The following CEP170 variants were observed in gnomAD, a reference collection of about 807,000 sequenced individuals.
CEP170 encodes centrosomal protein 170, also known as centrosomal protein of 170 kDa.
In CEP170, 21 loss-of-function variants were observed where a neutral mutation model predicts 151.9. That is an observed-to-expected ratio of 0.14 (90% CI 0.10 to 0.20). The LOEUF is 0.20. CEP170 is among the 10% of genes least tolerant of loss of function. The pLI is 1.00. For missense variants in CEP170, 964 were observed against 1,892.9 expected, an observed-to-expected ratio of 0.51 and a Z score of 9.11; for synonymous variants, 356 against 648.8, an observed-to-expected ratio of 0.55 and a Z score of 6.86.
chr1:243,207,627 T>C (rs1447736893), intron 4 of CEP170, among the ~76,000 whole-genome samples: 1 of 151,588 alleles, frequency 6.6e-6, no homozygotes, highest in Non-Finnish European at 1.5e-5. Context: ...ATAGAACATA[T>C]TCTGGGCCAC....
chr1:243,127,243 A>G (rs1273303332), intron 19 of CEP170, among the ~76,000 whole-genome samples: 1 of 152,182 alleles, frequency 6.6e-6, no homozygotes, highest in Non-Finnish European at 1.5e-5. Context: ...TATCAGCTGT[A>G]TACACCACTG....
At chr1:243,222,305 A>T (rs916724543) in intron 2 of CEP170, among the ~76,000 whole-genome samples, 4 of 152,364 alleles carry the variant, frequency 2.6e-5, no homozygotes, top group African/African-American at 7.2e-5. Context: ...CATTTAAAAT[A>T]TGGGCTCTAA....
chr1:243,143,800 C>T lies in CEP170; in HGVS notation c.3912-1337G>A, dbSNP rs1239209254. On this transcript the variant is annotated intron_variant, in intron 14 of 19. Coordinates refer to ENST00000366542, the MANE Select transcript of CEP170 (RefSeq NM_014812.3). The stretch of plus-strand genomic sequence containing the variant: ...CAGGCTGGTCTCGAACTCCTGAGTT[C>T]AAGCAATCCTCCGACTCAGCCTCCC... 2.0e-5 allele frequency among the ~76,000 whole-genome samples: 3 copies of T among 151,240 alleles called. No homozygotes were observed. In the South Asian group the frequency reaches 6.3e-4, roughly 32 times the overall value.
rs144244888 is a variant in CEP170 at position 243,169,871 on chromosome 1, C to T, written c.1717-117G>A. 711 of 1,225,774 alleles carry T rather than the reference C, an allele frequency of 5.8e-4. 3 individuals carry two copies. In the African/African-American group the frequency reaches 9.1e-3, roughly 16 times the overall value. The allele number at this position is 1,225,774 out of a possible 1,614,324, so 75.9% of individuals were successfully genotyped here. On this transcript the variant is annotated intron_variant, in intron 11 of 19. Transcript: ENST00000366542. Reference sequence around the variant, plus strand: ...ATACAAACCCATAATTAAACCTCACCTTGCTATATTATCATTGATTACATC... The same window carrying T: ...ATACAAACCCATAATTAAACCTCACTTTGCTATATTATCATTGATTACATC...
chr1:243,219,247 T>C (rs1011257667), intron 3 of CEP170, among the ~76,000 whole-genome samples: 2 of 152,248 alleles, frequency 1.3e-5, no homozygotes, highest in African/African-American at 4.8e-5. Flanking sequence ...TTTCATCATT[T>C]AATAGCTGAA....
At chr1:243,199,444 A>T (rs1388280304) in intron 6 of CEP170, among the ~76,000 whole-genome samples, 1 of 152,056 alleles carries the variant, frequency 6.6e-6, no homozygotes, top group Non-Finnish European at 1.5e-5. Context: ...ATATCTCAAT[A>T]GCTTTTTGTT....
intron 10 of CEP170, among the ~76,000 whole-genome samples, chr1:243,183,200 C>T (rs1302404076): frequency 6.6e-6 from 1 of 152,164 alleles, no homozygotes; most frequent in East Asian, 1.9e-4. Flanking sequence ...AAGCCTGGCA[C>T]ATAGTTAATG....
intron 14 of CEP170, among the ~76,000 whole-genome samples, chr1:243,143,073 C>A (rs2056054834): frequency 6.6e-6 from 1 of 151,860 alleles, no homozygotes; most frequent in Non-Finnish European, 1.5e-5. Flanking sequence ...ATTACTCTTA[C>A]TTTCAAATAT....
intron 14 of CEP170, among the ~76,000 whole-genome samples, chr1:243,152,348 G>A (rs1017965179): frequency 6.7e-5 from 10 of 149,226 alleles, no homozygotes; most frequent in East Asian, 2.0e-4. Flanking sequence ...CAGCCTCCAG[G>A]GTAGCTGAGA....
At chr1:243,153,254 A>G (rs1320646983) in intron 14 of CEP170, among the ~76,000 whole-genome samples, 1 of 152,230 alleles carries the variant, frequency 6.6e-6, no homozygotes, top group Non-Finnish European at 1.5e-5. Context: ...ATCTTGCAAT[A>G]GAATCTACTG....
At chr1:243,163,555 A>G (rs914892183) in intron 13 of CEP170, among the ~76,000 whole-genome samples, 3 of 152,232 alleles carry the variant, frequency 2.0e-5, no homozygotes, top group Non-Finnish European at 4.4e-5. Flanking sequence ...ATATTCAATT[A>G]CACCTAATTA....
intron 12 of CEP170, chr1:243,169,404 A>C (rs2058670692): frequency 1.4e-6 from 1 of 705,532 alleles, no homozygotes; most frequent in Non-Finnish European, 2.2e-6. Flanking sequence ...ATATCTAATA[A>C]AAATCAGCCT....
chr1:243,183,389 AC>A (rs768899916), intron 10 of CEP170, among the ~76,000 whole-genome samples: 1 of 152,094 alleles, frequency 6.6e-6, no homozygotes, highest in Non-Finnish European at 1.5e-5. Context: ...AAATGGAGAA[AC>A]TGGATGACAA....
chr1:243,137,286 G>A (rs1028404521), intron 16 of CEP170, among the ~76,000 whole-genome samples: 25 of 152,272 alleles, frequency 1.6e-4, no homozygotes, highest in African/African-American at 5.8e-4. Context: ...GTTTCAAAAT[G>A]AACTCCTTAT....
chr1:243,160,863 T>C (rs1451125124), intron 13 of CEP170, among the ~76,000 whole-genome samples: 3 of 152,070 alleles, frequency 2.0e-5, no homozygotes, highest in Non-Finnish European at 4.4e-5. Flanking sequence ...CTGCAAACAG[T>C]CTCAAAAAAT....
intron 1 of CEP170, among the ~76,000 whole-genome samples, chr1:243,250,464 C>G (rs960044585): frequency 4.9e-4 from 74 of 152,320 alleles, no homozygotes; most frequent in African/African-American, 1.8e-3. Flanking sequence ...AGAAATCTAG[C>G]TAAGTGTAAA....
chr1:243,246,343 T>C (rs1309940478), intron 1 of CEP170, among the ~76,000 whole-genome samples: 1 of 150,176 alleles, frequency 6.7e-6, no homozygotes, highest in Non-Finnish European at 1.5e-5. Flanking sequence ...GCGATTCTCC[T>C]GCCTCAGCCT....
intron 1 of CEP170, among the ~76,000 whole-genome samples, chr1:243,228,675 T>A (rs1181638843): frequency 1.3e-5 from 2 of 152,190 alleles, no homozygotes; most frequent in Non-Finnish European, 2.9e-5. Flanking sequence ...AAATCCAGCC[T>A]ACATACAGTA....
intron 11 of CEP170, among the ~76,000 whole-genome samples, chr1:243,171,302 G>C (rs1172837657): frequency 1.2e-4 from 19 of 152,060 alleles, no homozygotes. Flanking sequence ...TAATTGCTTT[G>C]ACAGTTTTCA....
Sources: gnomAD v4.1 joint callset for allele counts (sites outside exome capture counted in the v4.1 genomes callset) on GRCh38, gnomAD v4.1.1 for gene constraint, MANE v1.5 for transcripts, NCBI Gene and HGNC (gene_info 2026-07-23, HGNC 2026-07-21) for gene names.